The following SNX13 variants were observed in gnomAD, a reference collection of about 807,000 sequenced individuals.
SNX13 encodes sorting nexin-13.
In SNX13, 45 loss-of-function variants were observed where a neutral mutation model predicts 133.6. That is an observed-to-expected ratio of 0.34 (90% CI 0.27 to 0.43). The LOEUF (loss-of-function observed/expected upper bound fraction) is 0.43, where lower values mean the gene tolerates loss of function less well. Among genes scored for constraint, SNX13 ranks in the 20% least tolerant of loss-of-function variants. The pLI is 1.00. For missense variants in SNX13, 1,032 were observed against 1,145.1 expected (o/e 0.90, Z 1.43); for synonymous variants, 414 against 373.9 (o/e 1.11, Z -1.24).
chr7:17,797,168 A>C (rs1213687421), intron 24 of SNX13, among the ~76,000 whole-genome samples: 1 of 151,900 alleles, frequency 6.6e-6, no homozygotes. Context: ...TAAAGTCTGC[A>C]CCAATGCAGT....
rs1032596116 is a variant in SNX13 at position 17,940,361 on chromosome 7, G to C, written c.-66C>G. On this transcript the variant is annotated 5_prime_UTR_variant, in exon 1 of 26. Coordinates refer to ENST00000428135, the MANE Select transcript of SNX13 (RefSeq NM_015132.5). ...TCATGGCAACAGCCGTAGCAGCAGC[G>C]AAAACTGCTCGGGCCGCCGCCAACG... is the stretch of plus-strand genomic sequence containing the variant. 1 of 1,542,772 alleles carries C rather than the reference G, an allele frequency of 6.5e-7. No homozygotes were observed. The highest frequency in any genetic ancestry group is 8.8e-7 in the Non-Finnish European group (1 of 1,139,346).
Position 17,850,364 on chromosome 7 carries a change from G to T in SNX13, c.1048C>A (p.Arg350=). 1 of 1,593,968 alleles carries T rather than the reference G, an allele frequency of 6.3e-7. No individual in the cohort carries two copies. The highest frequency in any genetic ancestry group is 8.5e-7 in the Non-Finnish European group (1 of 1,170,706). The stretch of plus-strand genomic sequence containing the variant: ...TTACTTACTTTGCCTGACTGCAATC[G>T]CTGTATTCTTGAGTCACATACCTTC... ...VKKVCDSRIQ[R]LQSGKEINTV... The change falls in exon 11 of 26, where the codon CGA becomes AGA. Residue 350 remains arginine (R), a synonymous_variant. Transcript: ENST00000428135.
At chr7:17,854,932 A>C (rs1791700180) in intron 9 of SNX13, among the ~76,000 whole-genome samples, 2 of 152,208 alleles carry the variant, frequency 1.3e-5, no homozygotes, top group South Asian at 4.1e-4. Context: ...AAGCCAAGAC[A>C]GACTTAAAGC....
chr7:17,857,507 A>G (rs1275655270), intron 9 of SNX13, among the ~76,000 whole-genome samples: 1 of 152,110 alleles, frequency 6.6e-6, no homozygotes, highest in Non-Finnish European at 1.5e-5. Context: ...TAAACTGGCC[A>G]GGTGCGGTGG....
At chr7:17,844,293 G>A (rs2691612) in intron 12 of SNX13, among the ~76,000 whole-genome samples, 85,074 of 151,728 alleles carry the variant, frequency 0.56, 24,302 homozygotes, top group South Asian at 0.68. Flanking sequence ...CCAATAAATC[G>A]GATATCCTAG....
chr7:17,824,018 A>AT (rs1423998071), intron 17 of SNX13, among the ~76,000 whole-genome samples: 1 of 152,158 alleles, frequency 6.6e-6, no homozygotes, highest in African/African-American at 2.4e-5. Context: ...TTTAAAAAAA[A>AT]TGCAGAAGAC....
chr7:17,868,803 T>A (rs10230274), intron 8 of SNX13, among the ~76,000 whole-genome samples: 5,730 of 152,168 alleles, frequency 0.038, 353 homozygotes, highest in African/African-American at 0.13. Context: ...ACTAACAGTG[T>A]TTATGGATTC....
intron 17 of SNX13, 64 bp downstream of exon 17, chr7:17,825,952 TGTGGAA>T: frequency 8.9e-7 from 1 of 1,119,868 alleles, no homozygotes; most frequent in Non-Finnish European, 1.3e-6. Flanking sequence ...AAAAATTAAG[TGTGGAA>T]AATTATTTAG....
chr7:17,805,902 A>G (rs1296017105), intron 20 of SNX13, among the ~76,000 whole-genome samples: 1 of 152,250 alleles, frequency 6.6e-6, no homozygotes, highest in East Asian at 1.9e-4. Flanking sequence ...AAACCTCTAA[A>G]GGTGACTGTT....
At chr7:17,902,736 A>C (rs1797969937) in intron 1 of SNX13, among the ~76,000 whole-genome samples, 1 of 152,190 alleles carries the variant, frequency 6.6e-6, no homozygotes, top group Admixed American at 6.5e-5. Context: ...AAATTCTTTA[A>C]TACAGGAGTC....
At chr7:17,930,102 AAGAAT>A (rs996881066) in intron 1 of SNX13, among the ~76,000 whole-genome samples, 1 of 34,578 alleles carries the variant, frequency 2.9e-5, no homozygotes, top group African/African-American at 9.2e-5. Context: ...GAATAAGAAT[AAGAAT>A]AAAGAATAAA....
chr7:17,806,716 C>T (rs1034251013), intron 20 of SNX13, among the ~76,000 whole-genome samples: 7 of 152,092 alleles, frequency 4.6e-5, no homozygotes, highest in Non-Finnish European at 1.0e-4. Flanking sequence ...GCGAGATCAA[C>T]GCAGAAGGTG....
intron 8 of SNX13, among the ~76,000 whole-genome samples, chr7:17,872,810 A>G (rs1794268542): frequency 6.6e-6 from 1 of 152,220 alleles, no homozygotes; most frequent in Non-Finnish European, 1.5e-5. Flanking sequence ...TACGCATTCA[A>G]CCAGGACATG....
chr7:17,925,171 G>T (rs1337097623), intron 1 of SNX13, among the ~76,000 whole-genome samples: 1 of 152,134 alleles, frequency 6.6e-6, no homozygotes, highest in Non-Finnish European at 1.5e-5. Flanking sequence ...CCGATATCAT[G>T]CCACTGCACT....
At chr7:17,820,658 T>G (rs370028463) in intron 18 of SNX13, among the ~76,000 whole-genome samples, 14 of 152,240 alleles carry the variant, frequency 9.2e-5, no homozygotes, top group Middle Eastern at 3.4e-3. Flanking sequence ...CAACTATATA[T>G]TTTCCACTAT....
At position 17,803,456 on chromosome 7, in the gene SNX13, T is replaced by C. The variant is rs765662568; in HGVS notation, c.2189A>G (p.Glu730Gly). 5.0e-6 allele frequency: 8 copies of C among 1,612,438 alleles called. No individual in the cohort carries two copies. Among genetic ancestry groups the C allele is most frequent in the Non-Finnish European group, 5.9e-6 (7 of 1,179,128 alleles). ...TTGCTTTATGTCTTGACCTAATCTTTCTGACATTTTGCCCATGTTGTCTGA... is the reference window on the plus strand; with the variant it reads ...TTGCTTTATGTCTTGACCTAATCTTCCTGACATTTTGCCCATGTTGTCTGA... ...KMSDNMGKMS[E>G]RLGQDIKQSF... The change falls in exon 21 of 26, where the codon GAA becomes GGA. Residue 730 changes from glutamate to glycine, a missense_variant. By Grantham distance (98) the Glu-to-Gly change is moderately conservative. Transcript: ENST00000428135.
At position 17,877,045 on chromosome 7, in the gene SNX13, G is replaced by GAAAAAAAAAAAAAAAAAAAAAAAA. The variant is rs57618763; in HGVS notation, c.441-1256_441-1255insTTTTTTTTTTTTTTTTTTTTTTTT. Among the ~76,000 whole-genome samples the GAAAAAAAAAAAAAAAAAAAAAAAA allele has an allele frequency of 5.0e-5, 3 of 60,074 alleles. 1 individual carries two copies. The highest frequency in any genetic ancestry group is 1.0e-4 in the African/African-American group (2 of 19,182). 39.4% of individuals were successfully genotyped at this position (60,074 alleles called of 152,430 possible). On this transcript the variant is annotated intron_variant, in intron 5 of 25. Transcript: ENST00000428135. ...GCTGACTTAATTACTGTTACTTTTT[G>GAAAAAAAAAAAAAAAAAAAAAAAA]AAAAAAAAAAAAAAAAAAAAAAAGC...
At chr7:17,891,138 A>G (rs1173140787) in intron 4 of SNX13, among the ~76,000 whole-genome samples, 1 of 151,946 alleles carries the variant, frequency 6.6e-6, no homozygotes, top group East Asian at 1.9e-4. Flanking sequence ...CAGGGGGCAT[A>G]GTTTTTTTAC....
chr7:17,936,600 C>A (rs2128054269), intron 1 of SNX13, among the ~76,000 whole-genome samples: 1 of 152,220 alleles, frequency 6.6e-6, no homozygotes, highest in East Asian at 1.9e-4. Context: ...AGCACATTTT[C>A]CCACATTTCT....
Sources: gnomAD v4.1 joint callset for allele counts (sites outside exome capture counted in the v4.1 genomes callset) on GRCh38, gnomAD v4.1.1 for gene constraint, MANE v1.5 for transcripts, NCBI Gene and HGNC (gene_info 2026-07-23, HGNC 2026-07-21) for gene names.